GRM5: variants seen among roughly 807,000 people sequenced by gnomAD.
GRM5 encodes glutamate metabotropic receptor 5, also known as metabotropic glutamate receptor 5.
GRM5 carries 19 observed loss-of-function variants against 83.1 expected under a neutral mutation model. The observed-to-expected ratio is 0.23, with a 90% CI of 0.16 to 0.34. The LOEUF (loss-of-function observed/expected upper bound fraction) is 0.34, where lower values mean the gene tolerates loss of function less well. Among genes scored for constraint, GRM5 ranks in the 10% least tolerant of loss-of-function variants. GRM5 has a pLI of 1.00. For synonymous variants in GRM5, 675 were observed against 633.6 expected, an observed-to-expected ratio of 1.07 and a Z score of -0.98; for missense variants, 1,160 against 1,588.3, an observed-to-expected ratio of 0.73 and a Z score of 4.58.
intron 3 of GRM5, among the ~76,000 whole-genome samples, chr11:88,707,088 G>A (rs1179562993): frequency 6.6e-6 from 1 of 152,056 alleles, no homozygotes; most frequent in East Asian, 1.9e-4. Context: ...AACACTTGTG[G>A]ATGATCAGAT....
At chr11:88,593,460 G>A (rs890002175) in intron 6 of GRM5, among the ~76,000 whole-genome samples, 1 of 151,782 alleles carries the variant, frequency 6.6e-6, no homozygotes, top group South Asian at 2.1e-4. Context: ...GGCGGATCAC[G>A]AGGTCAGCAG....
At chr11:88,765,342 T>A (rs764940081) in intron 3 of GRM5, among the ~76,000 whole-genome samples, 1 of 150,370 alleles carries the variant, frequency 6.7e-6, no homozygotes, top group Non-Finnish European at 1.5e-5. Context: ...CTTCTCAAAT[T>A]TTCCTAAAAT....
At chr11:88,965,513 G>C (rs1157781858) in intron 2 of GRM5, among the ~76,000 whole-genome samples, 2 of 152,024 alleles carry the variant, frequency 1.3e-5, no homozygotes, top group Admixed American at 1.3e-4. Flanking sequence ...TCAGTCCATT[G>C]TACTACATTA....
At chr11:88,902,409 G>T (rs1405706630) in intron 2 of GRM5, among the ~76,000 whole-genome samples, 1 of 152,114 alleles carries the variant, frequency 6.6e-6, no homozygotes, top group Non-Finnish European at 1.5e-5. Context: ...TCCATGTAAA[G>T]CACTTGGCAT....
chr11:88,975,078 T>C lies in GRM5; in HGVS notation c.661+72134A>G, dbSNP rs11021691. Among the ~76,000 whole-genome samples, 150 of 152,322 alleles carry C rather than the reference T, an allele frequency of 9.8e-4. 5 individuals are homozygous for C. In the East Asian group the frequency reaches 0.028, roughly 28 times the overall value. On this transcript the variant is annotated intron_variant, in intron 2 of 9. Coordinates refer to ENST00000305447, the MANE Select transcript of GRM5 (RefSeq NM_001143831.3). ...TGCAGATAAATATGTATTTGAGAAT[T>C]AGACGTTTAGGACTTAAATTAAGAG...
intron 3 of GRM5, among the ~76,000 whole-genome samples, chr11:88,752,432 A>G (rs910024646): frequency 6.6e-6 from 1 of 152,206 alleles, no homozygotes; most frequent in Non-Finnish European, 1.5e-5. Flanking sequence ...ACTACAAAAC[A>G]CTGCTCAAAT....
intron 2 of GRM5, among the ~76,000 whole-genome samples, chr11:88,918,193 A>G (rs553816565): frequency 3.4e-5 from 5 of 149,036 alleles, no homozygotes; most frequent in South Asian, 2.1e-4. Flanking sequence ...ATGCTGAAGG[A>G]AAAAAAAAAA....
intron 2 of GRM5, among the ~76,000 whole-genome samples, chr11:88,902,574 C>T (rs971808753): frequency 3.3e-5 from 5 of 152,034 alleles, no homozygotes; most frequent in African/African-American, 1.2e-4. Context: ...TAGCAGAGAG[C>T]ACATCCAAGT....
At chr11:89,036,087 C>T (rs773209336) in intron 2 of GRM5, among the ~76,000 whole-genome samples, 2 of 151,928 alleles carry the variant, frequency 1.3e-5, no homozygotes, top group East Asian at 1.9e-4. Flanking sequence ...TGAAGTATAG[C>T]GTTAAGTTTC....
At chr11:88,534,567 A>G (rs1942091977) in intron 8 of GRM5, among the ~76,000 whole-genome samples, 1 of 152,124 alleles carries the variant, frequency 6.6e-6, no homozygotes, top group Admixed American at 6.5e-5. Context: ...GAAGTAACTA[A>G]CTTGCTTTTG....
chr11:88,534,744 A>G, intron 8 of GRM5, among the ~76,000 whole-genome samples: 1 of 152,158 alleles, frequency 6.6e-6, no homozygotes, highest in South Asian at 2.1e-4. Flanking sequence ...GCTGGGGCAG[A>G]ATAATATGGT....
intron 4 of GRM5, 50 bp from the exon 5 acceptor site, chr11:88,605,014 C>G (rs79652346): frequency 6.7e-7 from 1 of 1,498,486 alleles, no homozygotes; most frequent in Non-Finnish European, 9.2e-7. Context: ...TCTACTCTCG[C>G]GACATTCCTG....
intron 3 of GRM5, among the ~76,000 whole-genome samples, chr11:88,735,225 C>T (rs566273946): frequency 2.0e-5 from 3 of 152,050 alleles, no homozygotes; most frequent in Admixed American, 2.0e-4. Context: ...CCTTCATTTG[C>T]CCAAAGATAG....
intron 3 of GRM5, among the ~76,000 whole-genome samples, chr11:88,658,996 T>G (rs1939836310): frequency 6.6e-6 from 1 of 152,116 alleles, no homozygotes; most frequent in South Asian, 2.1e-4. Context: ...CATGACAGAT[T>G]AGAGCTGTCG....
rs774259182 is a variant in GRM5, at chr11:88,509,483, C to G, written c.2748G>C (p.Thr916=). Residue 916 remains threonine, a synonymous_variant, in exon 10 of 10, where the codon ACG becomes ACC. Transcript: ENST00000305447. The part of the protein sequence containing the change: ...TMSSSNGKSV[T]WAQNEKSSRG... ...GGCTGCTCTTCTCATTCTGGGCCCA[C>G]GTGACGGATTTTCCATTGGAACTGA... 14 of 1,611,904 alleles carry G rather than the reference C, an allele frequency of 8.7e-6. No individual in the cohort carries two copies. The highest frequency in any genetic ancestry group is 8.4e-5 in the Admixed American group (5 of 59,876).
chr11:88,866,245 C>T (rs1250765938), intron 2 of GRM5, among the ~76,000 whole-genome samples: 1 of 152,054 alleles, frequency 6.6e-6, no homozygotes, highest in African/African-American at 2.4e-5. Flanking sequence ...GAGTTCATGT[C>T]CTTTGCAGGC....
At chr11:88,724,340 T>G (rs1379412794) in intron 3 of GRM5, among the ~76,000 whole-genome samples, 1 of 152,178 alleles carries the variant, frequency 6.6e-6, no homozygotes, top group Non-Finnish European at 1.5e-5. Flanking sequence ...AGGCCGTCGG[T>G]CCCTGCCACT....
At chr11:88,551,441 G>A (rs1348647769) in intron 8 of GRM5, among the ~76,000 whole-genome samples, 6 of 152,076 alleles carry the variant, frequency 3.9e-5, no homozygotes, top group Admixed American at 3.9e-4. Context: ...CACTTACTTA[G>A]GTATAAAATG....
intron 2 of GRM5, among the ~76,000 whole-genome samples, chr11:88,890,894 T>G (rs1209930915): frequency 6.6e-6 from 1 of 152,118 alleles, no homozygotes; most frequent in Non-Finnish European, 1.5e-5. Context: ...AAAGGCAAGG[T>G]GTATAAAAAC....
Sources: gnomAD v4.1 joint callset for allele counts (sites outside exome capture counted in the v4.1 genomes callset) on GRCh38, gnomAD v4.1.1 for gene constraint, MANE v1.5 for transcripts, NCBI Gene and HGNC (gene_info 2026-07-23, HGNC 2026-07-21) for gene names.